Variants in PEAK1 observed in about 807,000 individuals in gnomAD.
The protein encoded by PEAK1 is inactive tyrosine-protein kinase PEAK1.
Under a neutral mutation model 124.7 loss-of-function variants are expected in PEAK1, and 54 were observed. The ratio of observed to expected loss-of-function variants is 0.43; its 90% CI spans 0.35 to 0.54. PEAK1 has a LOEUF of 0.54. Among genes scored for constraint, PEAK1 ranks in the 20% least tolerant of loss-of-function variants. The pLI, the probability that PEAK1 is intolerant of heterozygous loss-of-function variation, is 0.01. For missense variants in PEAK1, 2,046 were observed against 2,134.5 expected (o/e 0.96, Z 0.82); for synonymous variants, 719 against 760.0 (o/e 0.95, Z 0.89).
At chr15:77,324,573 A>G (rs554532881) in intron 2 of PEAK1, among the ~76,000 whole-genome samples, 4 of 152,198 alleles carry the variant, frequency 2.6e-5, no homozygotes, top group African/African-American at 9.6e-5. Context: ...TTTATAAAGA[A>G]AAGAGGTATA....
chr15:77,300,240 T>C (rs2063717495), intron 2 of PEAK1, among the ~76,000 whole-genome samples: 1 of 152,128 alleles, frequency 6.6e-6, no homozygotes, highest in Non-Finnish European at 1.5e-5. Context: ...CTGCACTGAC[T>C]TCTGCTGTAG....
chr15:77,181,949 A>C lies in PEAK1; in HGVS notation c.-23T>G. ...CATTTTTAAAAATAGAACTTCACAG[A>C]CAATGCTTTTCTTTCAGTGCATGAC... is the stretch of plus-strand genomic sequence containing the variant. On this transcript the variant is annotated 5_prime_UTR_variant, in exon 7 of 10. Coordinates refer to ENST00000682557, the MANE Select transcript of PEAK1 (RefSeq NM_001385026.1). 6.5e-7 allele frequency: 1 copy of C among 1,527,840 alleles called. No individual in the cohort carries two copies. The highest frequency in any genetic ancestry group is 8.8e-7 in the Non-Finnish European group (1 of 1,140,302). 94.6% of individuals were successfully genotyped at this position (1,527,840 alleles called of 1,614,324 possible). A position where few individuals can be genotyped will look rare whatever the true frequency, so the allele number is the denominator to read the frequency against.
intron 6 of PEAK1, among the ~76,000 whole-genome samples, chr15:77,215,139 A>G (rs910149153): frequency 2.6e-5 from 4 of 152,118 alleles, no homozygotes; most frequent in African/African-American, 9.7e-5. Context: ...TAAAATTCAC[A>G]TTTGTCAGAT....
intron 5 of PEAK1, chr15:77,278,832 GTTTT>G (rs34583265): frequency 6.0e-4 from 136 of 225,792 alleles, no homozygotes; most frequent in South Asian, 8.3e-4. Flanking sequence ...AATTTTGTGG[GTTTT>G]TTTTTTTTTT....
At chr15:77,412,657 T>C (rs1011873020) in intron 1 of PEAK1, among the ~76,000 whole-genome samples, 12 of 152,042 alleles carry the variant, frequency 7.9e-5, no homozygotes, top group Admixed American at 6.6e-4. Context: ...ACTGAGAAAG[T>C]CTAGGAGCAA....
chr15:77,375,364 C>A (rs962285871), intron 1 of PEAK1, among the ~76,000 whole-genome samples: 2 of 152,182 alleles, frequency 1.3e-5, no homozygotes, highest in Non-Finnish European at 2.9e-5. Flanking sequence ...GTGCTGGCCA[C>A]TACACCCCAC....
intron 5 of PEAK1, among the ~76,000 whole-genome samples, chr15:77,274,494 A>G (rs11857330): frequency 6.6e-6 from 1 of 151,836 alleles, no homozygotes; most frequent in African/African-American, 2.4e-5. Context: ...AAATGGCCAA[A>G]AAACATATGA....
chr15:77,136,714 T>C (rs1160057575), intron 8 of PEAK1, among the ~76,000 whole-genome samples: 7 of 151,970 alleles, frequency 4.6e-5, no homozygotes, highest in African/African-American at 1.4e-4. Context: ...ATCAGAAAAT[T>C]TGCAGCCTGT....
intron 2 of PEAK1, among the ~76,000 whole-genome samples, chr15:77,336,745 T>G (rs1282500282): frequency 6.6e-6 from 1 of 152,140 alleles, no homozygotes; most frequent in African/African-American, 2.4e-5. Flanking sequence ...TACACCCAAG[T>G]GCCATCAGAA....
chr15:77,100,797 A>C (rs898618541), exon 7 of PEAK1: 1 of 152,248 alleles, frequency 6.6e-6, no homozygotes, highest in African/African-American at 2.4e-5. Flanking sequence ...ATTAATTAAC[A>C]TCTATTACAA....
At chr15:77,140,217 GAGGA>G (rs1418563022) in intron 8 of PEAK1, among the ~76,000 whole-genome samples, 1 of 152,098 alleles carries the variant, frequency 6.6e-6, no homozygotes, top group Non-Finnish European at 1.5e-5. Flanking sequence ...AATAGAACAG[GAGGA>G]AGGAATGCTT....
intron 2 of PEAK1, among the ~76,000 whole-genome samples, chr15:77,293,913 T>C (rs918487864): frequency 2.0e-4 from 31 of 152,198 alleles, no homozygotes; most frequent in African/African-American, 7.0e-4. Flanking sequence ...AGTCTAGGAT[T>C]AGTACAGAGG....
intron 1 of PEAK1, among the ~76,000 whole-genome samples, chr15:77,397,871 C>A (rs899553584): frequency 6.6e-6 from 1 of 151,904 alleles, no homozygotes; most frequent in African/African-American, 2.4e-5. Flanking sequence ...ACCAGCCTGA[C>A]CAACATGGAC....
chr15:77,404,015 G>GTA, intron 1 of PEAK1: 1 of 971,064 alleles, frequency 1.0e-6, no homozygotes, highest in Non-Finnish European at 1.2e-6. Flanking sequence ...AATGAGCATA[G>GTA]TACCTGGTAG....
At chr15:77,308,956 A>G (rs560298174) in intron 2 of PEAK1, among the ~76,000 whole-genome samples, 1 of 152,238 alleles carries the variant, frequency 6.6e-6, no homozygotes, top group Non-Finnish European at 1.5e-5. Flanking sequence ...AATCCAAAAA[A>G]AGCAGTACTT....
chr15:77,413,322 G>C (rs1044825939), intron 1 of PEAK1, among the ~76,000 whole-genome samples: 1 of 152,190 alleles, frequency 6.6e-6, no homozygotes, highest in Non-Finnish European at 1.5e-5. Flanking sequence ...TTAGCAACCT[G>C]TTTCTAGTGC....
Position 77,306,423 on chromosome 15 carries a change from T to C in PEAK1, c.-602-19919A>G, listed in dbSNP as rs531124806. On this transcript the variant is annotated intron_variant, in intron 2 of 9. Transcript: ENST00000682557. ...TGGTTTACCTGCATACACTATTTCC[T>C]GGATAAGGCAACTAGAAAAAGGCTG... Among the ~76,000 whole-genome samples, 6 of 152,286 alleles carry C rather than the reference T, an allele frequency of 3.9e-5. No homozygotes were observed. In the South Asian group the frequency reaches 1.2e-3, roughly 32 times the overall value.
Position 77,178,864 on chromosome 15 carries a change from C to T in PEAK1, c.3063G>A (p.Glu1021=), listed in dbSNP as rs751703228. ...TCTCTGAGTCCTGTAGTAATGCATT[C>T]TCTGCTCTACCCTTCTCCATGACTG... ...QAAVMEKGRA[E]NALLQDSEKK... The change falls in exon 7 of 10, where the codon GAG becomes GAA. Residue 1021 remains glutamate (E), a synonymous_variant. Transcript: ENST00000682557. 4 of 1,614,000 alleles carry T rather than the reference C, an allele frequency of 2.5e-6. No individual in the cohort carries two copies. The African/African-American group carries it at 5.3e-5, about 22-fold the overall frequency.
intron 7 of PEAK1, among the ~76,000 whole-genome samples, chr15:77,159,066 A>G (rs1029119908): frequency 6.6e-6 from 1 of 152,226 alleles, no homozygotes; most frequent in Non-Finnish European, 1.5e-5. Flanking sequence ...CTTACTAATT[A>G]TAGTATTCTA....
Sources: gnomAD v4.1 joint callset for allele counts (sites outside exome capture counted in the v4.1 genomes callset) on GRCh38, gnomAD v4.1.1 for gene constraint, MANE v1.5 for transcripts, NCBI Gene and HGNC (gene_info 2026-07-23, HGNC 2026-07-21) for gene names.